The following HRH1 variants were observed in gnomAD, a reference collection of about 807,000 sequenced individuals.
HRH1 encodes histamine H1 receptor.
A neutral mutation model predicts 10.3 loss-of-function variants in HRH1; 6 were observed. The observed-to-expected ratio is 0.58, with a 90% CI of 0.32 to 1.15. The LOEUF is 1.15. Among genes scored for constraint, HRH1 ranks in the 50% most tolerant of loss-of-function variants. The pLI is 0.05. For missense variants in HRH1, 514 were observed against 615.3 expected (o/e 0.84, Z 1.74); for synonymous variants, 242 against 236.7 (o/e 1.02, Z -0.21).
At chr3:11,250,208 A>AT (rs71055857) in intron 1 of HRH1, among the ~76,000 whole-genome samples, 19,178 of 106,602 alleles carry the variant, frequency 0.18, 1,606 homozygotes, top group South Asian at 0.26. Context: ...CACCCGGCTA[A>AT]TTTTTTTTTT....
chr3:11,237,096 T>C (rs1029777242), intron 1 of HRH1, among the ~76,000 whole-genome samples: 1 of 152,248 alleles, frequency 6.6e-6, no homozygotes, highest in African/African-American at 2.4e-5. Context: ...CATCCTATCC[T>C]GAAATGATAC....
In HRH1 at chr3:11,211,327, G is replaced by A. The variant is rs973320142; in HGVS notation, c.-35-47676G>A. Among the ~76,000 whole-genome samples the A allele has an allele frequency of 5.5e-4, 84 of 152,204 alleles. 1 individual carries two copies. Among genetic ancestry groups the A allele is most frequent in the Admixed American group, 3.3e-4 (5 of 15,280 alleles). ...CTCAGACCAGCTTTGTAATTCATGA[G>A]GAAGGGGTGTGAGCCAGGGCTGCAT... On this transcript the variant is annotated intron_variant, in intron 1 of 1. Transcript: ENST00000431010.
chr3:11,220,603 C>T (rs1401462081), intron 1 of HRH1, among the ~76,000 whole-genome samples: 1 of 152,250 alleles, frequency 6.6e-6, no homozygotes. Flanking sequence ...AATTGGTTTC[C>T]GTCATCCTGT....
chr3:11,212,948 A>G (rs532102188), intron 1 of HRH1, among the ~76,000 whole-genome samples: 2 of 152,284 alleles, frequency 1.3e-5, no homozygotes, highest in South Asian at 2.1e-4. Context: ...GGGCCTTTGC[A>G]TAGGCTGTTC....
intron 1 of HRH1, among the ~76,000 whole-genome samples, chr3:11,245,667 C>G (rs1171579362): frequency 2.0e-5 from 3 of 152,124 alleles, no homozygotes; most frequent in East Asian, 1.9e-4. Context: ...AAAGCCCCTC[C>G]CCACCTAATG....
At chr3:11,157,473 C>A (rs1273452007) in intron 1 of HRH1, among the ~76,000 whole-genome samples, 1 of 152,190 alleles carries the variant, frequency 6.6e-6, no homozygotes, top group African/African-American at 2.4e-5. Context: ...TTCACAGTGA[C>A]GCTGAGCATT....
At chr3:11,150,152 C>T (rs1380260474), upstream of HRH1, among the ~76,000 whole-genome samples, 1 of 152,138 alleles carries the variant, frequency 6.6e-6, no homozygotes, top group African/African-American at 2.4e-5. Flanking sequence ...TTTCTAATTG[C>T]CAAAGTAATA....
rs1180982752 is a variant in HRH1 at position 11,197,926 on chromosome 3, GTC to G, written c.-36+43377_-36+43378del. Reference sequence around the variant, plus strand: ...TTTATTAGCTGGTAATTGGAGGTGTGTCTCTCAACTCCAATCTCATTCCCTGC... The same window carrying G: ...TTTATTAGCTGGTAATTGGAGGTGTGTCTCAACTCCAATCTCATTCCCTGC... On this transcript the variant is annotated intron_variant, in intron 1 of 1. Transcript: ENST00000431010. 2.0e-5 allele frequency among the ~76,000 whole-genome samples: 3 copies of G among 152,290 alleles called. No homozygotes were observed. The East Asian group carries it at 5.8e-4, about 29-fold the overall frequency.
At chr3:11,156,001 C>T (rs1052531492) in intron 1 of HRH1, among the ~76,000 whole-genome samples, 2 of 152,128 alleles carry the variant, frequency 1.3e-5, no homozygotes, top group Non-Finnish European at 2.9e-5. Flanking sequence ...ACCCATGTTG[C>T]CTGACTCCCT....
chr3:11,209,155 G>T (rs928871949), intron 1 of HRH1, among the ~76,000 whole-genome samples: 1 of 152,200 alleles, frequency 6.6e-6, no homozygotes, highest in African/African-American at 2.4e-5. Context: ...GCAGTAGTAT[G>T]ATTATAGCTC....
At chr3:11,193,236 T>A (rs993681354) in intron 1 of HRH1, among the ~76,000 whole-genome samples, 3 of 152,242 alleles carry the variant, frequency 2.0e-5, no homozygotes, top group Non-Finnish European at 2.9e-5. Context: ...GCTCTTTTTC[T>A]CCTCTCCTAA....
At chr3:11,193,955 C>A (rs1236054289) in intron 1 of HRH1, among the ~76,000 whole-genome samples, 2 of 152,238 alleles carry the variant, frequency 1.3e-5, no homozygotes, top group African/African-American at 2.4e-5. Flanking sequence ...ATATTTACTA[C>A]AGTGATGAGT....
chr3:11,214,881 A>G (rs908204411), intron 1 of HRH1, among the ~76,000 whole-genome samples: 3 of 152,256 alleles, frequency 2.0e-5, no homozygotes, highest in Admixed American at 6.5e-5. Flanking sequence ...TGATGGGTTC[A>G]TGATATCAGC....
intron 1 of HRH1, among the ~76,000 whole-genome samples, chr3:11,137,685 C>G (rs1936209790): frequency 6.6e-6 from 1 of 152,214 alleles, no homozygotes; most frequent in Admixed American, 6.5e-5. Context: ...GCTTGAGCGT[C>G]TGAGTTATTG....
chr3:11,233,900 A>G (rs1939106589), intron 1 of HRH1, among the ~76,000 whole-genome samples: 1 of 152,246 alleles, frequency 6.6e-6, no homozygotes, highest in African/African-American at 2.4e-5. Context: ...TAAAAGGAAT[A>G]TAATGAATCA....
rs1269909090 is a variant in HRH1 at position 11,172,709 on chromosome 3, T to TTTTTTC, written c.-36+18160_-36+18161insCTTTTT. On this transcript the variant is annotated intron_variant, in intron 1 of 1. Coordinates refer to ENST00000431010, the MANE Select transcript of HRH1 (RefSeq NM_001098212.2). Reference sequence around the variant, plus strand: ...TTTTGTGGCTTTTGGCGAATCTTTTTTTTTTTTTTTTGAGATGGAGTCTCG... The same window carrying TTTTTTC: ...TTTTGTGGCTTTTGGCGAATCTTTTTTTTTTCTTTTTTTTTTTGAGATGGAGTCTCG... Among the ~76,000 whole-genome samples, 31 of 125,296 alleles carry TTTTTTC rather than the reference T, an allele frequency of 2.5e-4. 1 individual carries two copies. The highest frequency in any genetic ancestry group is 1.2e-3 in the African/African-American group (30 of 25,584). The allele number at this position is 125,296 out of a possible 152,430, so 82.2% of individuals were successfully genotyped here.
intron 1 of HRH1, among the ~76,000 whole-genome samples, chr3:11,241,795 C>A (rs868609545): frequency 6.6e-6 from 1 of 150,492 alleles, no homozygotes; most frequent in Middle Eastern, 3.2e-3. Flanking sequence ...GAGATGGCGC[C>A]ACTGCATTCC....
chr3:11,216,910 G>A (rs1938518890), intron 1 of HRH1, among the ~76,000 whole-genome samples: 1 of 151,606 alleles, frequency 6.6e-6, no homozygotes, highest in East Asian at 1.9e-4. Flanking sequence ...CAGGCCGGGT[G>A]TGGTGGCTCA....
At chr3:11,144,484 C>CCTATAGACCTATAG (rs1559249839) in intron 1 of HRH1, among the ~76,000 whole-genome samples, 3 of 21,084 alleles carry the variant, frequency 1.4e-4, no homozygotes, top group African/African-American at 3.8e-4. Flanking sequence ...CATATATATA[C>CCTATAGACCTATAG]ACACACACAC....
Sources: gnomAD v4.1 joint callset for allele counts (sites outside exome capture counted in the v4.1 genomes callset) on GRCh38, gnomAD v4.1.1 for gene constraint, MANE v1.5 for transcripts, NCBI Gene and HGNC (gene_info 2026-07-23, HGNC 2026-07-21) for gene names.